STK4: variants seen among roughly 807,000 people sequenced by gnomAD.
STK4 encodes the protein serine/threonine-protein kinase 4.
STK4 carries 30 observed loss-of-function variants against 64.9 expected under a neutral mutation model. That is an observed-to-expected ratio of 0.46 (90% CI 0.35 to 0.63). The LOEUF (loss-of-function observed/expected upper bound fraction) is 0.63, where lower values mean the gene tolerates loss of function less well. Among genes scored for constraint, STK4 ranks in the 20% least tolerant of loss-of-function variants. The pLI is 0.01. For missense variants in STK4, 466 were observed against 598.5 expected (o/e 0.78, Z 2.31); for synonymous variants, 177 against 199.0 (o/e 0.89, Z 0.93).
intron 9 of STK4, among the ~76,000 whole-genome samples, chr20:45,005,666 A>C (rs2067929168): frequency 6.7e-6 from 1 of 150,204 alleles, no homozygotes; most frequent in Non-Finnish European, 1.5e-5. Context: ...AAAAAAAAAA[A>C]ACAAAACGTT....
intron 9 of STK4, among the ~76,000 whole-genome samples, chr20:45,014,568 C>T (rs192764174): frequency 1.6e-4 from 25 of 151,884 alleles, no homozygotes; most frequent in African/African-American, 5.8e-4. Context: ...GCAAAGATAA[C>T]AAAAACATTT....
Position 45,036,275 on chromosome 20 carries a change from AAC to A in STK4, c.1305+11147_1305+11148del, listed in dbSNP as rs543820241. Among the ~76,000 whole-genome samples the A allele has an allele frequency of 5.1e-4, 77 of 152,316 alleles. 1 individual carries two copies. Among genetic ancestry groups the A allele is most frequent in the African/African-American group, 1.8e-3 (74 of 41,568 alleles). ...TATTAAATGGAAACTTGTAGAAATA[AAC>A]AGTTTCTAAGTTTTAAGTAGCATGC... On this transcript the variant is annotated intron_variant, in intron 10 of 10. Transcript: ENST00000372806.
At chr20:44,999,054 C>A (rs576019117) in intron 7 of STK4, among the ~76,000 whole-genome samples, 9 of 141,722 alleles carry the variant, frequency 6.4e-5, no homozygotes, top group African/African-American at 2.4e-4. Flanking sequence ...GGCAACAGAG[C>A]AAGACTCCAT....
chr20:44,970,149 C>T (rs2145625841), intron 1 of STK4, among the ~76,000 whole-genome samples: 1 of 151,980 alleles, frequency 6.6e-6, no homozygotes, highest in South Asian at 2.1e-4. Context: ...TTAATGGGTG[C>T]AGCACACCAG....
chr20:44,990,167 A>G (rs559527796), intron 5 of STK4, among the ~76,000 whole-genome samples: 18 of 152,226 alleles, frequency 1.2e-4, no homozygotes, highest in Non-Finnish European at 2.4e-4. Context: ...CTTCCGATCT[A>G]TGAATATAAG....
chr20:44,981,465 A>T (rs1035635791), intron 3 of STK4, among the ~76,000 whole-genome samples: 3 of 152,104 alleles, frequency 2.0e-5, no homozygotes, highest in Non-Finnish European at 4.4e-5. Flanking sequence ...CTGTATCATT[A>T]TTTCTTAAAT....
intron 5 of STK4, among the ~76,000 whole-genome samples, chr20:44,994,505 T>G (rs895181056): frequency 2.6e-5 from 4 of 151,898 alleles, no homozygotes; most frequent in Non-Finnish European, 5.9e-5. Flanking sequence ...TTTTTCTTTT[T>G]AATATGGTGT....
chr20:44,970,780 T>A (rs2067229838), intron 1 of STK4, among the ~76,000 whole-genome samples: 1 of 152,174 alleles, frequency 6.6e-6, no homozygotes, highest in Non-Finnish European at 1.5e-5. Flanking sequence ...ATTGTCCTTC[T>A]GAGATCAGTG....
intron 7 of STK4, among the ~76,000 whole-genome samples, chr20:44,999,322 A>T (rs1165102376): frequency 6.6e-6 from 1 of 152,136 alleles, no homozygotes; most frequent in African/African-American, 2.4e-5. Flanking sequence ...TTCTACCTGG[A>T]TGGGGTAGTG....
chr20:45,041,898 A>C (rs2068620065), intron 10 of STK4, among the ~76,000 whole-genome samples: 1 of 152,148 alleles, frequency 6.6e-6, no homozygotes, highest in Non-Finnish European at 1.5e-5. Context: ...GGAGGCCTGG[A>C]ATTCCTAATT....
chr20:45,064,578 A>T (rs1191855012), intron 10 of STK4, among the ~76,000 whole-genome samples: 2 of 151,950 alleles, frequency 1.3e-5, no homozygotes, highest in African/African-American at 4.8e-5. Context: ...ATGTTTTTTC[A>T]TTTGTTGGTG....
Position 45,075,300 on chromosome 20 carries a change from A to C in STK4, c.*124A>C. On this transcript the variant is annotated 3_prime_UTR_variant, in exon 11 of 11. Transcript: ENST00000372806. ...CTCTCCACAGCACCTTTGTGAACTC[A>C]GGAATGTGCGCCAGTGGGAAGGGCT... 5 of 1,308,568 alleles carry C rather than the reference A, an allele frequency of 3.8e-6. No individual in the cohort carries two copies. Among genetic ancestry groups the C allele is most frequent in the Non-Finnish European group, 5.2e-6 (5 of 964,840 alleles). The allele number at this position is 1,308,568 out of a possible 1,614,324, so 81.1% of individuals were successfully genotyped here.
chr20:45,000,241 G>A (rs2067811344), intron 7 of STK4, 151 bp from the exon 8 acceptor site: 1 of 1,036,900 alleles, frequency 9.6e-7, no homozygotes, highest in Admixed American at 2.9e-5. Context: ...TAAAGCGAGT[G>A]TGGTTTAGCT....
At chr20:45,028,299 A>C (rs2068387424) in intron 10 of STK4, among the ~76,000 whole-genome samples, 1 of 149,890 alleles carries the variant, frequency 6.7e-6, no homozygotes. Context: ...GATAATAGCC[A>C]TTCTAACTAG....
At position 45,077,335 on chromosome 20, in the gene STK4, C is replaced by T. The variant is rs1207839279; in HGVS notation, c.*2159C>T. The T allele has an allele frequency of 6.6e-6, 1 of 152,162 alleles. No homozygotes were observed. The highest frequency in any genetic ancestry group is 1.9e-4 in the East Asian group (1 of 5,198). 9.4% of individuals were successfully genotyped at this position (152,162 alleles called of 1,614,324 possible). A position where few individuals can be genotyped will look rare whatever the true frequency, so the allele number is the denominator to read the frequency against. ...GCCAAGTAAGTTTTAAAAACCAAAGCATCCAGGATGCACACCCCTGCACCA... is the reference window on the plus strand; with the variant it reads ...GCCAAGTAAGTTTTAAAAACCAAAGTATCCAGGATGCACACCCCTGCACCA... On this transcript the variant is annotated 3_prime_UTR_variant, in exon 11 of 11. Coordinates refer to ENST00000372806, the MANE Select transcript of STK4 (RefSeq NM_006282.5).
intron 1 of STK4, chr20:44,967,373 G>A (rs921033839): frequency 3.8e-5 from 13 of 344,640 alleles, no homozygotes; most frequent in Admixed American, 6.5e-5. Flanking sequence ...AACCCTGCCA[G>A]TCTGTGCCCT....
At chr20:44,994,992 G>GT (rs367974350) in intron 5 of STK4, 98 bp from the exon 6 acceptor site, 99,725 of 739,184 alleles carry the variant, frequency 0.13, 14 homozygotes, top group East Asian at 0.17. Context: ...TTTCTCAGTA[G>GT]TTTTTTTTTT....
At chr20:45,020,439 CGTGTGTGT>C (rs60999826) in intron 9 of STK4, among the ~76,000 whole-genome samples, 5 of 145,202 alleles carry the variant, frequency 3.4e-5, no homozygotes, top group East Asian at 4.0e-4. Flanking sequence ...TATGTTTATG[CGTGTGTGT>C]GTGTGTGTGT....
intron 10 of STK4, among the ~76,000 whole-genome samples, chr20:45,047,494 T>C (rs542691251): frequency 6.3e-4 from 96 of 152,338 alleles, no homozygotes; most frequent in African/African-American, 1.9e-3. Context: ...GAATGTGTTA[T>C]TTGATTATGT....
Sources: gnomAD v4.1 joint callset for allele counts (sites outside exome capture counted in the v4.1 genomes callset) on GRCh38, gnomAD v4.1.1 for gene constraint, MANE v1.5 for transcripts, NCBI Gene and HGNC (gene_info 2026-07-23, HGNC 2026-07-21) for gene names.